MB: variants seen among roughly 807,000 people sequenced by gnomAD.
MB encodes the protein myoglobin, also known as nitrite reductase MB.
Under a neutral mutation model 14.5 loss-of-function variants are expected in MB, and 10 were observed. The ratio of observed to expected loss-of-function variants is 0.69; its 90% confidence interval spans 0.43 to 1.17. The LOEUF is 1.17. MB is among the 50% of genes most tolerant of loss of function. The pLI, the probability that MB is intolerant of heterozygous loss-of-function variation, is 0.00. For missense variants in MB, 169 were observed against 192.7 expected, an observed-to-expected ratio of 0.88 and a Z score of 0.73; for synonymous variants, 89 against 78.6, an observed-to-expected ratio of 1.13 and a Z score of -0.70.
intron 2 of MB, 41 bp from the exon 3 acceptor site, chr22:35,607,484 G>C (rs755246681): frequency 6.2e-7 from 1 of 1,600,862 alleles, no homozygotes; most frequent in Non-Finnish European, 8.5e-7. Flanking sequence ...ACCAGGGTGG[G>C]ACAAGCCAGG....
upstream of MB, among the ~76,000 whole-genome samples, chr22:35,619,803 C>A (rs1923347329): frequency 6.6e-6 from 1 of 152,224 alleles, no homozygotes. Context: ...GGCTGGTGAC[C>A]ATTCTAGGAT....
At chr22:35,609,053 C>T (rs1922376231) in intron 2 of MB, among the ~76,000 whole-genome samples, 1 of 152,148 alleles carries the variant, frequency 6.6e-6, no homozygotes, top group Admixed American at 6.5e-5. Context: ...GTTCTAGTGG[C>T]CAACTGGTTG....
chr22:35,613,376 T>C (rs372270712), intron 1 of MB, among the ~76,000 whole-genome samples: 34 of 152,372 alleles, frequency 2.2e-4, no homozygotes, highest in Non-Finnish European at 4.1e-4. Context: ...CTCTGTGATG[T>C]TGAAGTCACT....
chr22:35,613,874 G>T (rs974134954), intron 1 of MB, among the ~76,000 whole-genome samples: 2 of 152,190 alleles, frequency 1.3e-5, no homozygotes, highest in African/African-American at 4.8e-5. Flanking sequence ...CCACACAGCT[G>T]CCTGCCTCCT....
intron 1 of MB, 100 bp downstream of exon 1, chr22:35,617,063 G>A: frequency 3.5e-6 from 3 of 869,336 alleles, no homozygotes; most frequent in South Asian, 2.8e-5. Flanking sequence ...AACTAATGCA[G>A]CCAACTGACC....
chr22:35,621,460 T>C (rs8141728), upstream of MB, among the ~76,000 whole-genome samples: 1 of 152,158 alleles, frequency 6.6e-6, no homozygotes, highest in East Asian at 1.9e-4. Flanking sequence ...GGGTTCTAGA[T>C]TCCAGACTTA....
chr22:35,607,055 C>G lies in MB; in HGVS notation c.*242G>C, dbSNP rs1330448065. On this transcript the variant is annotated 3_prime_UTR_variant, in exon 3 of 3. Transcript: ENST00000397326. ...ACAATTAATTCAGATCCAAACCATG[C>G]AGAACACAGTGAGCCAAGGGCCACT... The G allele has an allele frequency of 2.2e-6, 1 of 447,382 alleles. No homozygotes were observed. Among genetic ancestry groups the G allele is most frequent in the Non-Finnish European group, 4.0e-6 (1 of 250,654 alleles). The allele number at this position is 447,382 out of a possible 1,614,324, so 27.7% of individuals were successfully genotyped here. A position where few individuals can be genotyped will look rare whatever the true frequency, so the allele number is the denominator to read the frequency against.
upstream of MB, chr22:35,617,413 T>C: frequency 1.6e-6 from 1 of 609,594 alleles, no homozygotes. Context: ...CCCCCTCCCC[T>C]GCCCTCCTTC....
Position 35,607,807 on chromosome 22 carries a change from C to T in MB, c.319-364G>A, listed in dbSNP as rs1922274436. Among the ~76,000 whole-genome samples, 4 of 152,166 alleles carry T rather than the reference C, an allele frequency of 2.6e-5. No homozygotes were observed. In the South Asian group the frequency reaches 8.3e-4, roughly 32 times the overall value. ...AACCAGGTGAGAGCTCAGAGCACCA[C>T]CCGCTTGGGGGCAGCAGAAAAGAAG... On this transcript the variant is annotated intron_variant, in intron 2 of 2. Transcript: ENST00000397326.
intron 1 of MB, among the ~76,000 whole-genome samples, chr22:35,614,763 A>C (rs752283868): frequency 2.9e-4 from 44 of 151,818 alleles, no homozygotes; most frequent in Non-Finnish European, 5.3e-4. Context: ...CATTATCATC[A>C]CCATCACCCA....
rs1295258903 is a variant in MB at position 35,608,521 on chromosome 22, C to T, written c.319-1078G>A. The stretch of plus-strand genomic sequence containing the variant: ...AAAGGGAGGCCTCAAGAAGCATCAA[C>T]ACCCCATAAGCCCCTCTGCTGGGAA... On this transcript the variant is annotated intron_variant, in intron 2 of 2. Transcript: ENST00000397326. The surrounding 1 kb of genome is among the most constrained non-coding windows in gnomAD (Gnocchi z 4.3). Among the ~76,000 whole-genome samples, 1 of 152,192 alleles carries T rather than the reference C, an allele frequency of 6.6e-6. No individual in the cohort carries two copies. Among genetic ancestry groups the T allele is most frequent in the Non-Finnish European group, 1.5e-5 (1 of 68,022 alleles).
At chr22:35,617,604 C>A, upstream of MB, 1 of 233,300 alleles carries the variant, frequency 4.3e-6, no homozygotes, top group East Asian at 1.1e-4. Context: ...CTCTCATAGC[C>A]GACAGAAAGG....
At chr22:35,609,515 G>A (rs1490972564) in intron 2 of MB, among the ~76,000 whole-genome samples, 1 of 152,218 alleles carries the variant, frequency 6.6e-6, no homozygotes, top group Non-Finnish European at 1.5e-5. Flanking sequence ...TGCAAAGGTC[G>A]AAGTTAAAGA....
At chr22:35,615,908 T>C (rs1466549138) in intron 1 of MB, among the ~76,000 whole-genome samples, 4 of 152,078 alleles carry the variant, frequency 2.6e-5, no homozygotes. Flanking sequence ...AAAACTCAAC[T>C]CTTCTTCCTC....
chr22:35,616,325 C>G (rs1344989300), intron 1 of MB, among the ~76,000 whole-genome samples: 1 of 152,128 alleles, frequency 6.6e-6, no homozygotes, highest in African/African-American at 2.4e-5. Context: ...TTACAAACCT[C>G]AGAATTTTGT....
upstream of MB, chr22:35,617,414 G>C (rs556882645): frequency 1.5e-5 from 9 of 607,876 alleles, no homozygotes; most frequent in Admixed American, 2.0e-4. Flanking sequence ...CCCCTCCCCT[G>C]CCCTCCTTCA....
chr22:35,622,995 T>G (rs1923566185), intron 1 of MB, among the ~76,000 whole-genome samples: 1 of 152,190 alleles, frequency 6.6e-6, no homozygotes, highest in Non-Finnish European at 1.5e-5. Flanking sequence ...GGTGCACCTG[T>G]CTGGACTGGC....
chr22:35,619,071 T>A (rs894598457), upstream of MB, among the ~76,000 whole-genome samples: 1 of 152,184 alleles, frequency 6.6e-6, no homozygotes, highest in South Asian at 2.1e-4. Flanking sequence ...ACTCCACCCA[T>A]CCATCCATCC....
rs535713662 is a variant in MB, at chr22:35,613,002, G to T, written c.96-1896C>A. Among the ~76,000 whole-genome samples, 28 of 152,224 alleles carry T rather than the reference G, an allele frequency of 1.8e-4. No individual in the cohort carries two copies. The East Asian group carries it at 4.8e-3, about 26-fold the overall frequency. On this transcript the variant is annotated intron_variant, in intron 1 of 2. Coordinates refer to ENST00000397326, the MANE Select transcript of MB (RefSeq NM_005368.3). ...TCCCCCATGTTGGGCATGGTCTGCC[G>T]CCGTGCCCAACATTGCCACCTCGCT...
Sources: gnomAD v4.1 joint callset for allele counts (sites outside exome capture counted in the v4.1 genomes callset) on GRCh38, gnomAD v4.1.1 for gene constraint, Gnocchi (gnomAD v3.1) non-coding constraint, MANE v1.5 for transcripts, NCBI Gene and HGNC (gene_info 2026-07-23, HGNC 2026-07-21) for gene names.